ASMT: variants seen among roughly 807,000 people sequenced by gnomAD.
ASMT encodes the protein acetylserotonin N-methyltransferase.
ASMT carries 53 observed loss-of-function variants against 41.3 expected under a neutral mutation model. The ratio of observed to expected loss-of-function variants is 1.28; its 90% CI spans 1.03 to 1.61. The LOEUF (loss-of-function observed/expected upper bound fraction) is 1.61. Among genes scored for constraint, ASMT ranks in the 40% most tolerant of loss-of-function variants. The pLI is 0.00. For missense variants in ASMT, 531 were observed against 441.3 expected (o/e 1.20, Z -1.82); for synonymous variants, 231 against 184.8 (o/e 1.25, Z -2.03).
intron 1 of ASMT, among the ~76,000 whole-genome samples, chrX:1,615,780 G>C (rs193133721): frequency 0.017 from 2,549 of 150,998 alleles, 74 homozygotes; most frequent in African/African-American, 0.059. Context: ...CCCGCCTGGG[G>C]GACACAGCAA....
At chrX:1,636,403 C>A (rs1351651555) in intron 7 of ASMT, 35 bp from the exon 8 acceptor site, 1 of 1,613,886 alleles carries the variant, frequency 6.2e-7, no homozygotes, top group East Asian at 2.2e-5. Context: ...GATTGGATTG[C>A]AGGCTGACCT....
chrX:1,617,637 CAG>C (rs1430502374), intron 1 of ASMT, among the ~76,000 whole-genome samples: 37 of 149,944 alleles, frequency 2.5e-4, no homozygotes, highest in African/African-American at 8.6e-4. Flanking sequence ...TTTTTTCAGA[CAG>C]AGTTTCCCTC....
At chrX:1,632,440 AG>A (rs1934810362) in intron 5 of ASMT, among the ~76,000 whole-genome samples, 1 of 152,320 alleles carries the variant, frequency 6.6e-6, no homozygotes, top group African/African-American at 2.4e-5. Context: ...TCACGAGGTC[AG>A]GAGATCGAGA....
At chrX:1,631,437 GGCCGTGATCCACCCACCCTATC>G (rs1378549559) in intron 5 of ASMT, among the ~76,000 whole-genome samples, 7 of 151,660 alleles carry the variant, frequency 4.6e-5, no homozygotes, top group Non-Finnish European at 1.0e-4. Context: ...TCACACTCCA[GGCCGTGATCCACCCACCCTATC>G]TCCCTCCTGT....
chrX:1,616,916 G>T (rs1166196571), intron 1 of ASMT, among the ~76,000 whole-genome samples: 1 of 151,896 alleles, frequency 6.6e-6, no homozygotes, highest in Non-Finnish European at 1.5e-5. Flanking sequence ...CACCGTGTTA[G>T]CCAGGATGGT....
intron 8 of ASMT, among the ~76,000 whole-genome samples, chrX:1,636,917 G>T (rs1472227251): frequency 9.0e-6 from 1 of 111,138 alleles, no homozygotes; most frequent in African/African-American, 3.4e-5. Context: ...CAGCCTCTGT[G>T]TGTGATGGGG....
intron 3 of ASMT, among the ~76,000 whole-genome samples, chrX:1,624,874 C>A (rs60254424): frequency 9.0e-6 from 1 of 111,132 alleles, no homozygotes; most frequent in African/African-American, 4.2e-5. Context: ...GTGGGGGCTG[C>A]ACCCAGGCAG....
chrX:1,616,049 G>C (rs1231489260), intron 1 of ASMT, among the ~76,000 whole-genome samples: 1 of 150,878 alleles, frequency 6.6e-6, no homozygotes, highest in African/African-American at 2.4e-5. Context: ...ATTTTTTTGA[G>C]CTGGAGTCTC....
intron 8 of ASMT, among the ~76,000 whole-genome samples, chrX:1,641,358 T>C (rs1366641414): frequency 8.3e-6 from 1 of 121,114 alleles, no homozygotes; most frequent in Non-Finnish European, 1.8e-5. Flanking sequence ...AGCCTCTGTG[T>C]GTGTGATAGG....
intron 1 of ASMT, 121 bp downstream of exon 1, chrX:1,615,389 C>T (rs1408157294): frequency 3.8e-5 from 38 of 1,006,118 alleles, no homozygotes; most frequent in Middle Eastern, 2.2e-4. Flanking sequence ...TATTTTCCAC[C>T]GTGAAAGACG....
At chrX:1,625,954 C>CAAAAAAA (rs1310481163) in intron 3 of ASMT, among the ~76,000 whole-genome samples, 2,694 of 99,038 alleles carry the variant, frequency 0.027, 128 homozygotes, top group African/African-American at 0.098. Flanking sequence ...GACTCCATCT[C>CAAAAAAA]AAAAAAAAAA....
chrX:1,626,567 A>G (rs1305177901), intron 3 of ASMT, among the ~76,000 whole-genome samples: 1 of 152,100 alleles, frequency 6.6e-6, no homozygotes, highest in Admixed American at 6.6e-5. Context: ...ATGGGTTGTT[A>G]TGCCAGAGTC....
chrX:1,616,517 C>T (rs377633001), intron 1 of ASMT, among the ~76,000 whole-genome samples: 57 of 151,206 alleles, frequency 3.8e-4, no homozygotes, highest in Middle Eastern at 3.4e-3. Flanking sequence ...TGGAACCCGG[C>T]GGAAGTGCTG....
chrX:1,615,271 A>G lies in ASMT; in HGVS notation c.69+3A>G, dbSNP rs753578466. The G allele has an allele frequency of 6.3e-7, 1 of 1,590,024 alleles. No individual in the cohort carries two copies. Among genetic ancestry groups the G allele is most frequent in the Non-Finnish European group, 8.6e-7 (1 of 1,168,084 alleles). On this transcript the variant is annotated splice_donor_region_variant and intron_variant, in intron 1 of 8. Coordinates refer to ENST00000381241, the MANE Select transcript of ASMT (RefSeq NM_001171038.2). ...CCAACGGCTTCATGGTGTCCCAGGTAGGATACGCTCTGTGGGACAAGGGGG... is the reference window on the plus strand; with the variant it reads ...CCAACGGCTTCATGGTGTCCCAGGTGGGATACGCTCTGTGGGACAAGGGGG...
At chrX:1,640,460 A>AATG (rs1935103748) in intron 8 of ASMT, among the ~76,000 whole-genome samples, 2 of 40,084 alleles carry the variant, frequency 5.0e-5, no homozygotes, top group Non-Finnish European at 7.3e-5. Context: ...TGTGTGAGAT[A>AATG]GGGACCATGT....
Position 1,616,154 on chromosome X carries a change from G to A in ASMT, c.69+886G>A, listed in dbSNP as rs1323087274. ...GGCTATTCTCCTGCTTCAGCCTCCC[G>A]AGTATCTGGGATTACAGGCACCCAC... On this transcript the variant is annotated intron_variant, in intron 1 of 8. Coordinates refer to ENST00000381241, the MANE Select transcript of ASMT (RefSeq NM_001171038.2). Among the ~76,000 whole-genome samples, 8 of 146,438 alleles carry A rather than the reference G, an allele frequency of 5.5e-5. 1 individual carries two copies. The highest frequency in any genetic ancestry group is 1.9e-4 in the East Asian group (1 of 5,158).
Position 1,615,089 on chromosome X carries a change from T to C in ASMT, c.-111T>C. The C allele has an allele frequency of 2.3e-6, 2 of 879,796 alleles. No individual in the cohort carries two copies. The highest frequency in any genetic ancestry group is 3.7e-6 in the Non-Finnish European group (2 of 533,654). 54.5% of individuals were successfully genotyped at this position (879,796 alleles called of 1,614,324 possible). A position where few individuals can be genotyped will look rare whatever the true frequency, so the allele number is the denominator to read the frequency against. ...AGTACTGGGCAGGCAGCAGGGAGAG[T>C]CAGGCAGCAGCTGTGAGCGGGTGGC... On this transcript the variant is annotated 5_prime_UTR_variant, in exon 1 of 9. Coordinates refer to ENST00000381241, the MANE Select transcript of ASMT (RefSeq NM_001171038.2).
intron 1 of ASMT, among the ~76,000 whole-genome samples, chrX:1,616,821 G>C (rs1250593681): frequency 1.3e-5 from 2 of 151,336 alleles, no homozygotes; most frequent in Non-Finnish European, 3.0e-5. Context: ...CCATTCTCCT[G>C]CCTCAGCCTC....
chrX:1,643,063 AT>A lies in ASMT; in HGVS notation c.*50del, dbSNP rs751251949. The stretch of plus-strand genomic sequence containing the variant: ...ACGTCAAAGCACACAAGACATAATA[AT>A]AAAGACATGTACCTCCAGTGGCTTC... On this transcript the variant is annotated 3_prime_UTR_variant, in exon 9 of 9. Transcript: ENST00000381241. 16 of 1,584,996 alleles carry A rather than the reference AT, an allele frequency of 1.0e-5. No individual in the cohort carries two copies. The highest frequency in any genetic ancestry group is 3.3e-5 in the South Asian group (3 of 90,490).
Sources: gnomAD v4.1 joint callset for allele counts (sites outside exome capture counted in the v4.1 genomes callset) on GRCh38, gnomAD v4.1.1 for gene constraint, MANE v1.5 for transcripts, NCBI Gene and HGNC (gene_info 2026-07-23, HGNC 2026-07-21) for gene names.